Variants in WWOX observed in about 807,000 individuals in gnomAD.
WWOX encodes the protein WW domain-containing oxidoreductase.
Under a neutral mutation model 46.2 loss-of-function variants are expected in WWOX, and 69 were observed. That is an observed-to-expected ratio of 1.49 (90% CI 1.23 to 1.82). WWOX has a LOEUF of 1.82. Among genes scored for constraint, WWOX ranks in the 40% most tolerant of loss-of-function variants. The pLI, the probability that WWOX is intolerant of heterozygous loss-of-function variation, is 0.00. For missense variants in WWOX, 919 were observed against 542.6 expected, an observed-to-expected ratio of 1.69 and a Z score of -6.89; for synonymous variants, 359 against 202.6, an observed-to-expected ratio of 1.77 and a Z score of -6.56.
intron 8 of WWOX, among the ~76,000 whole-genome samples, chr16:78,987,798 A>G (rs975585659): frequency 2.0e-5 from 3 of 152,192 alleles, no homozygotes; most frequent in Non-Finnish European, 2.9e-5. Flanking sequence ...CTTTTAAAAA[A>G]TGTGCTCTCC....
intron 8 of WWOX, among the ~76,000 whole-genome samples, chr16:78,480,177 C>G (rs757398351): frequency 2.6e-5 from 4 of 152,174 alleles, no homozygotes; most frequent in Admixed American, 6.5e-5. Context: ...TTCAATTGCT[C>G]TGAAATAGCA....
At chr16:78,528,966 T>C (rs2043553046) in intron 8 of WWOX, among the ~76,000 whole-genome samples, 1 of 151,768 alleles carries the variant, frequency 6.6e-6, no homozygotes, top group African/African-American at 2.4e-5. Flanking sequence ...CTTTCTTTTT[T>C]TTTTTTAGGG....
intron 8 of WWOX, among the ~76,000 whole-genome samples, chr16:78,451,851 C>CT (rs1282541539): frequency 1.2e-4 from 19 of 152,206 alleles, no homozygotes; most frequent in Non-Finnish European, 8.8e-5. Context: ...AAATACCCTT[C>CT]AACTCTTGAT....
At chr16:78,755,119 G>A (rs1319986777) in intron 8 of WWOX, among the ~76,000 whole-genome samples, 1 of 151,590 alleles carries the variant, frequency 6.6e-6, no homozygotes, top group Non-Finnish European at 1.5e-5. Flanking sequence ...AAACCTAGAT[G>A]ACGGGTTGAT....
chr16:78,862,744 C>T (rs1042655887), intron 8 of WWOX, among the ~76,000 whole-genome samples: 2 of 152,092 alleles, frequency 1.3e-5, no homozygotes, highest in East Asian at 1.9e-4. Context: ...CTTTCTCACT[C>T]AGCCTTTTAT....
intron 5 of WWOX, among the ~76,000 whole-genome samples, chr16:78,385,808 T>C (rs1042243713): frequency 1.3e-5 from 2 of 152,214 alleles, no homozygotes; most frequent in Admixed American, 1.3e-4. Context: ...GGACTCTTCT[T>C]ATTTGAATAG....
At chr16:78,608,890 G>C (rs548759956) in intron 8 of WWOX, among the ~76,000 whole-genome samples, 2 of 152,094 alleles carry the variant, frequency 1.3e-5, no homozygotes, top group Non-Finnish European at 2.9e-5. Context: ...GCACATGAAT[G>C]GTCTGACCTC....
intron 8 of WWOX, among the ~76,000 whole-genome samples, chr16:78,878,161 G>A (rs568829616): frequency 6.6e-5 from 10 of 152,298 alleles, no homozygotes; most frequent in Admixed American, 2.0e-4. Flanking sequence ...GCCTGCTTCC[G>A]AGGTGGTGCT....
intron 8 of WWOX, among the ~76,000 whole-genome samples, chr16:78,472,247 T>A (rs1379412342): frequency 1.3e-5 from 2 of 152,122 alleles, no homozygotes; most frequent in Non-Finnish European, 2.9e-5. Flanking sequence ...CCTGCTGTCT[T>A]AATGATGGAA....
chr16:78,685,416 G>C (rs185243287), intron 8 of WWOX, among the ~76,000 whole-genome samples: 202 of 152,252 alleles, frequency 1.3e-3, no homozygotes, highest in Admixed American at 3.9e-3. Context: ...GTCTATGGTA[G>C]ATCTTCACCT....
At chr16:78,161,191 C>CT (rs1400047026) in intron 4 of WWOX, among the ~76,000 whole-genome samples, 1 of 151,644 alleles carries the variant, frequency 6.6e-6, no homozygotes, top group Admixed American at 6.6e-5. Context: ...AATGTACATT[C>CT]TTTTTTAAGG....
intron 8 of WWOX, among the ~76,000 whole-genome samples, chr16:78,698,006 G>A (rs759274291): frequency 2.2e-4 from 33 of 152,112 alleles, no homozygotes; most frequent in African/African-American, 7.0e-4. Context: ...TGTTTTAGTA[G>A]GTCAAGATAT....
intron 8 of WWOX, chr16:78,550,589 G>A (rs573807695): frequency 2.0e-5 from 3 of 152,284 alleles, no homozygotes; most frequent in South Asian, 2.1e-4. Flanking sequence ...ATGGATGAAT[G>A]CTCCTCTTTT....
At chr16:78,759,837 G>A (rs7499531) in intron 8 of WWOX, among the ~76,000 whole-genome samples, 4 of 152,112 alleles carry the variant, frequency 2.6e-5, no homozygotes, top group Non-Finnish European at 5.9e-5. Context: ...ATGTTGGCAG[G>A]CCTTAGGGGA....
intron 8 of WWOX, among the ~76,000 whole-genome samples, chr16:78,473,706 C>T (rs912842739): frequency 1.3e-5 from 2 of 152,116 alleles, no homozygotes; most frequent in Non-Finnish European, 1.5e-5. Context: ...TTGACTTTGC[C>T]TGTGTACCCT....
chr16:79,161,799 A>G (rs1456684060), intron 8 of WWOX, among the ~76,000 whole-genome samples: 2 of 152,208 alleles, frequency 1.3e-5, no homozygotes, highest in Non-Finnish European at 2.9e-5. Context: ...GATTACAGAC[A>G]TGAGCCACCT....
Position 78,800,261 on chromosome 16 carries a change from C to G in WWOX, c.1056+367509C>G, listed in dbSNP as rs115664456. Reference sequence around the variant, plus strand: ...TTGTTCCATGGCAAAAAAAAAAAGTCGAGCTTTTCAGCCACAGTATTTCAG... The same window carrying G: ...TTGTTCCATGGCAAAAAAAAAAAGTGGAGCTTTTCAGCCACAGTATTTCAG... On this transcript the variant is annotated intron_variant, in intron 8 of 8. Transcript: ENST00000566780. Among the ~76,000 whole-genome samples, 1,126 of 150,772 alleles carry G rather than the reference C, an allele frequency of 7.5e-3. 20 individuals are homozygous for G. Among genetic ancestry groups the G allele is most frequent in the African/African-American group, 0.026 (1,063 of 40,906 alleles).
At chr16:78,694,330 C>T (rs1272567186) in intron 8 of WWOX, among the ~76,000 whole-genome samples, 2 of 152,188 alleles carry the variant, frequency 1.3e-5, no homozygotes, top group Non-Finnish European at 2.9e-5. Context: ...AAGCTGCGAC[C>T]ATGGTCTTTA....
intron 5 of WWOX, among the ~76,000 whole-genome samples, chr16:78,385,148 C>CACACACACACACACACAG (rs1364215804): frequency 0.022 from 3,345 of 151,598 alleles, 142 homozygotes; most frequent in African/African-American, 0.077. Flanking sequence ...CACACACACA[C>CACACACACACACACACAG]ACACACACAC....
Sources: allele counts gnomAD v4.1 joint callset (sites outside exome capture counted in the v4.1 genomes callset), GRCh38; gene constraint gnomAD v4.1.1; transcripts MANE v1.5; gene names NCBI Gene and HGNC (gene_info 2026-07-23, HGNC 2026-07-21).